ZMYND8: variants seen among roughly 807,000 people sequenced by gnomAD.
ZMYND8 encodes MYND-type zinc finger-containing chromatin reader ZMYND8.
Under a neutral mutation model 140.8 loss-of-function variants are expected in ZMYND8, and 37 were observed. That is an observed-to-expected ratio of 0.26 (90% CI 0.20 to 0.35). The LOEUF (loss-of-function observed/expected upper bound fraction) is 0.35, where lower values mean the gene tolerates loss of function less well. Among genes scored for constraint, ZMYND8 ranks in the 10% least tolerant of loss-of-function variants. The pLI is 1.00. For synonymous variants in ZMYND8, 592 were observed against 597.1 expected, an observed-to-expected ratio of 0.99 and a Z score of 0.12; for missense variants, 1,068 against 1,570.0, an observed-to-expected ratio of 0.68 and a Z score of 5.40.
Position 47,298,918 on chromosome 20 carries a change from A to G in ZMYND8, c.264T>C (p.Tyr88=). ...QSELRHGPFY[Y]MKQPLTTDPV... ...GGTCTGTGGTGAGTGGCTGCTTCAT[A>G]TAGTAAAACGGACCATGTCTTAGTT... The change falls in exon 4 of 23, where the codon TAT becomes TAC. Residue 88 remains tyrosine, a synonymous_variant. Transcript: ENST00000471951. This position sits in a 1 kb window ranked among gnomAD's most constrained non-coding sequence, Gnocchi z 5.0. 1 of 1,614,216 alleles carries G rather than the reference A, an allele frequency of 6.2e-7. No homozygotes were observed. Among genetic ancestry groups the G allele is most frequent in the Non-Finnish European group, 8.5e-7 (1 of 1,180,042 alleles).
rs1045482990 is a variant in ZMYND8, at chr20:47,290,375, A to G, written c.661-101T>C. 12 of 954,822 alleles carry G rather than the reference A, an allele frequency of 1.3e-5. No individual in the cohort carries two copies. In the African/African-American group the frequency reaches 1.6e-4, roughly 13 times the overall value. 59.1% of individuals were successfully genotyped at this position (954,822 alleles called of 1,614,324 possible). A position where few individuals can be genotyped will look rare whatever the true frequency, so the allele number is the denominator to read the frequency against. On this transcript the variant is annotated intron_variant, in intron 6 of 22. Transcript: ENST00000471951. ...TAATTTTTGTAGCAGTCATTTGCCA[A>G]ATCAATTAGTGTTCTTCTATTCATT...
At chr20:47,222,054 T>C (rs1048085504) in intron 19 of ZMYND8, among the ~76,000 whole-genome samples, 2 of 151,868 alleles carry the variant, frequency 1.3e-5, no homozygotes, top group African/African-American at 4.9e-5. Context: ...ATAAAGCCCA[T>C]CAACAAGAGC....
At chr20:47,221,611 G>C in intron 19 of ZMYND8, 137 bp from the exon 20 acceptor site, 1 of 1,090,386 alleles carries the variant, frequency 9.2e-7, no homozygotes, top group Non-Finnish European at 1.2e-6. Flanking sequence ...AGGCTCAAGG[G>C]GGCCAGATTG....
Position 47,287,237 on chromosome 20 carries a change from C to A in ZMYND8, c.796G>T (p.Glu266Ter), listed in dbSNP as rs1388998952. ...CAGTGGGAAACACATACCTCATGTTCACAGATTTTGATGACTACTTTCGCT... is the reference window on the plus strand; with the variant it reads ...CAGTGGGAAACACATACCTCATGTTAACAGATTTTGATGACTACTTTCGCT... ...QIAKVVIKIC[E>*]HEMNEIEVCP... The change falls in exon 8 of 23, where the codon GAA (glutamate) becomes TAA (stop). Residue 266 changes from glutamate to a stop codon, truncating the protein, a stop_gained. Transcript: ENST00000471951. LOFTEE classifies it high-confidence loss of function. 6.2e-7 allele frequency: 1 copy of A among 1,613,746 alleles called. No homozygotes were observed. The highest frequency in any genetic ancestry group is 8.5e-7 in the Non-Finnish European group (1 of 1,179,766).
At chr20:47,286,370 G>C (rs1261297850) in intron 8 of ZMYND8, among the ~76,000 whole-genome samples, 1 of 151,774 alleles carries the variant, frequency 6.6e-6, no homozygotes, top group Non-Finnish European at 1.5e-5. Context: ...GTGGAGACGG[G>C]GTTTTGCCAT....
chr20:47,214,047 T>C (rs747104546), intron 21 of ZMYND8, among the ~76,000 whole-genome samples: 17 of 131,144 alleles, frequency 1.3e-4, no homozygotes, highest in Non-Finnish European at 2.5e-4. Context: ...TAACTAAAAT[T>C]CTCTCTCTTC....
intron 18 of ZMYND8, among the ~76,000 whole-genome samples, chr20:47,226,224 C>G (rs1410250138): frequency 1.3e-5 from 2 of 151,640 alleles, no homozygotes; most frequent in Non-Finnish European, 2.9e-5. Context: ...GAACCAAGGG[C>G]TCCTCTCCAG....
chr20:47,254,755 G>A (rs548496674), intron 12 of ZMYND8, among the ~76,000 whole-genome samples: 1 of 152,142 alleles, frequency 6.6e-6, no homozygotes, highest in Admixed American at 6.5e-5. Flanking sequence ...GCTGTCCCGT[G>A]TGTTGTAGGA....
chr20:47,290,583 G>GTTT lies in ZMYND8; in HGVS notation c.661-312_661-310dup, dbSNP rs71183240. Among the ~76,000 whole-genome samples the GTTT allele has an allele frequency of 6.4e-3, 411 of 63,900 alleles. 2 individuals carry two copies. Among genetic ancestry groups the GTTT allele is most frequent in the Middle Eastern group, 0.014 (1 of 72 alleles). The allele number at this position is 63,900 out of a possible 152,430, so 41.9% of individuals were successfully genotyped here. A position where few individuals can be genotyped will look rare whatever the true frequency, so the allele number is the denominator to read the frequency against. On this transcript the variant is annotated intron_variant, in intron 6 of 22. Coordinates refer to ENST00000471951, the MANE Select transcript of ZMYND8 (RefSeq NM_001281775.3). Reference sequence around the variant, plus strand: ...ATAAACAGGATAGTTTATTTATTTAGTTTTTTTTTTTTTTTTTTTTTTTTG... The same window carrying GTTT: ...ATAAACAGGATAGTTTATTTATTTAGTTTTTTTTTTTTTTTTTTTTTTTTTTTG...
rs559204238 is a variant in ZMYND8, at chr20:47,343,658, T to C, written c.85+4198A>G. ...TCCCAAGTAGCTGGGATTATAGGCA[T>C]ACAATGTTTGTTATTTTTAGTAGAG... On this transcript the variant is annotated intron_variant, in intron 2 of 22. Coordinates refer to ENST00000471951, the MANE Select transcript of ZMYND8 (RefSeq NM_001281775.3). 2.8e-4 allele frequency among the ~76,000 whole-genome samples: 42 copies of C among 152,030 alleles called. No homozygotes were observed. In the South Asian group the frequency reaches 8.7e-3, roughly 32 times the overall value.
rs34089691 is a variant in ZMYND8 at position 47,294,371 on chromosome 20, C to CAA, written c.567+293_567+294dup. On this transcript the variant is annotated intron_variant, in intron 5 of 22. Coordinates refer to ENST00000471951, the MANE Select transcript of ZMYND8 (RefSeq NM_001281775.3). Reference sequence around the variant, plus strand: ...CATCTCAGAAAAACAAACAAACAAACAAAAAAAAAAACCTCTTTTCTTCAT... The same window carrying CAA: ...CATCTCAGAAAAACAAACAAACAAACAAAAAAAAAAAAACCTCTTTTCTTCAT... 5.1e-3 allele frequency among the ~76,000 whole-genome samples: 739 copies of CAA among 145,132 alleles called. 4 individuals are homozygous for CAA. Among genetic ancestry groups the CAA allele is most frequent in the African/African-American group, 0.017 (658 of 39,548 alleles).
At chr20:47,351,808 G>A (rs2082806044) in intron 1 of ZMYND8, 1 of 985,264 alleles carries the variant, frequency 1.0e-6, no homozygotes. Context: ...AGCTAAAATG[G>A]TAGCAGTTTG....
chr20:47,234,251 G>A (rs1480162613), intron 16 of ZMYND8, among the ~76,000 whole-genome samples: 2 of 152,224 alleles, frequency 1.3e-5, no homozygotes, highest in Non-Finnish European at 1.5e-5. Flanking sequence ...GTTTCACGAT[G>A]TTGCCCAGGC....
intron 10 of ZMYND8, among the ~76,000 whole-genome samples, chr20:47,279,254 G>A (rs2076448446): frequency 6.6e-6 from 1 of 152,098 alleles, no homozygotes; most frequent in Non-Finnish European, 1.5e-5. Context: ...AGGATCACGT[G>A]AGGTCAGGAG....
chr20:47,310,312 C>G, intron 2 of ZMYND8, 108 bp from the exon 3 acceptor site: 1 of 1,355,918 alleles, frequency 7.4e-7, no homozygotes, highest in Admixed American at 2.4e-5. Flanking sequence ...ATTCTGTCCC[C>G]CAACTCCCGA....
At chr20:47,259,830 C>A (rs973157031) in intron 12 of ZMYND8, among the ~76,000 whole-genome samples, 7 of 152,132 alleles carry the variant, frequency 4.6e-5, no homozygotes, top group Non-Finnish European at 8.8e-5. Context: ...TCATTAGATG[C>A]CAGCAGTGTC....
intron 11 of ZMYND8, among the ~76,000 whole-genome samples, chr20:47,269,970 A>G (rs999757190): frequency 6.6e-6 from 1 of 152,228 alleles, no homozygotes; most frequent in Non-Finnish European, 1.5e-5. Context: ...TGGACCAGGC[A>G]TGGTGCCTCA....
At chr20:47,315,045 A>T (rs1237507644) in intron 2 of ZMYND8, among the ~76,000 whole-genome samples, 2 of 152,182 alleles carry the variant, frequency 1.3e-5, no homozygotes, top group African/African-American at 4.8e-5. Flanking sequence ...CAATGATTAA[A>T]AACTTCAGGG....
intron 6 of ZMYND8, 65 bp downstream of exon 6, chr20:47,291,731 G>T: frequency 7.6e-7 from 1 of 1,307,204 alleles, no homozygotes; most frequent in South Asian, 1.5e-5. Flanking sequence ...CATAGGCAGT[G>T]AGGGAAGAGC....
Sources: gnomAD v4.1 joint callset for allele counts (sites outside exome capture counted in the v4.1 genomes callset) on GRCh38, gnomAD v4.1.1 for gene constraint, Gnocchi (gnomAD v3.1) non-coding constraint, MANE v1.5 for transcripts, NCBI Gene and HGNC (gene_info 2026-07-23, HGNC 2026-07-21) for gene names.